XG: variants seen among roughly 807,000 people sequenced by gnomAD.
XG encodes the protein Xg glycoprotein (Xg blood group).
In XG, 24 loss-of-function variants were observed where a neutral mutation model predicts 25.7. That is an observed-to-expected ratio of 0.93 (90% CI 0.68 to 1.31). The LOEUF (loss-of-function observed/expected upper bound fraction) is 1.31. Among genes scored for constraint, XG ranks in the 40% most tolerant of loss-of-function variants. The pLI, the probability that XG is intolerant of heterozygous loss-of-function variation, is 0.00. For synonymous variants in XG, 77 were observed against 69.2 expected (o/e 1.11, Z -0.56); for missense variants, 181 against 187.6 (o/e 0.96, Z 0.21).
intron 10 of XG, among the ~76,000 whole-genome samples, chrX:2,811,753 G>C (rs1054836552): frequency 9.9e-5 from 11 of 110,832 alleles, no homozygotes; most frequent in African/African-American, 3.3e-4. Context: ...GCACCACCAC[G>C]CCTGGCTAAT....
rs1239502532 is a variant in XG, at chrX:2,814,618, GTTGGT to G, written c.*243_*247del. The G allele has an allele frequency of 7.9e-6, 3 of 378,255 alleles. No individual in the cohort carries two copies. The highest frequency in any genetic ancestry group is 7.7e-5 in the African/African-American group (3 of 38,730). 31.2% of individuals were successfully genotyped at this position (378,255 alleles called of 1,213,427 possible). A position where few individuals can be genotyped will look rare whatever the true frequency, so the allele number is the denominator to read the frequency against. Reference sequence around the variant, plus strand: ...GTTCTAAAAAAGGATTGCTTGCAATGTTGGTTTGGCTATTCATTTGCACAAAGAGA... The same window carrying G: ...GTTCTAAAAAAGGATTGCTTGCAATGTTGGCTATTCATTTGCACAAAGAGA... On this transcript the variant is annotated 3_prime_UTR_variant, in exon 11 of 11. Coordinates refer to ENST00000644266, the MANE Select transcript of XG (RefSeq NM_001141919.2).
At chrX:2,787,047 C>G (rs1277801268) in intron 4 of XG, among the ~76,000 whole-genome samples, 1 of 108,571 alleles carries the variant, frequency 9.2e-6, no homozygotes, top group African/African-American at 3.4e-5. Context: ...CAGACACACA[C>G]AGAGGGACAA....
intron 2 of XG, among the ~76,000 whole-genome samples, chrX:2,771,411 C>T (rs1206825463): frequency 6.6e-6 from 1 of 152,178 alleles, no homozygotes; most frequent in Non-Finnish European, 1.5e-5. Context: ...CACTGAGGAC[C>T]TGGAATCTTC....
intron 1 of XG, among the ~76,000 whole-genome samples, chrX:2,767,364 G>A (rs1330878105): frequency 2.6e-5 from 4 of 151,954 alleles, no homozygotes; most frequent in East Asian, 1.9e-4. Flanking sequence ...CCACTTAATC[G>A]ACATCTCCAG....
At chrX:2,791,604 G>C (rs1483974165) in intron 5 of XG, among the ~76,000 whole-genome samples, 1 of 109,348 alleles carries the variant, frequency 9.1e-6, no homozygotes, top group African/African-American at 3.3e-5. Context: ...ACTCCATACT[G>C]CTTGATATGT....
At chrX:2,778,385 A>G (rs2051046699) in intron 3 of XG, among the ~76,000 whole-genome samples, 1 of 152,086 alleles carries the variant, frequency 6.6e-6, no homozygotes, top group African/African-American at 2.4e-5. Flanking sequence ...TTTACAAAAA[A>G]ATTAAAAAAA....
intron 1 of XG, among the ~76,000 whole-genome samples, chrX:2,768,093 G>A (rs2050738733): frequency 6.6e-6 from 1 of 152,130 alleles, no homozygotes; most frequent in Non-Finnish European, 1.5e-5. Flanking sequence ...CCACCTGCCT[G>A]TTTTATGCAA....
In XG at chrX:2,773,521, A is replaced by AAGGAAGGAGAGAGGGAAGGAAGGAGAGAG. The variant is rs1569461984; in HGVS notation, c.104-1195_104-1194insAGGAAGGAGAGAGGGAAGGAAGGAGAGAG. 1.7e-4 allele frequency among the ~76,000 whole-genome samples: 16 copies of AAGGAAGGAGAGAGGGAAGGAAGGAGAGAG among 95,262 alleles called. 1 individual carries two copies. Among genetic ancestry groups the AAGGAAGGAGAGAGGGAAGGAAGGAGAGAG allele is most frequent in the East Asian group, 3.5e-4 (1 of 2,834 alleles). The allele number at this position is 95,262 out of a possible 152,430, so 62.5% of individuals were successfully genotyped here. ...AAGGAGAGAAGGAAGGAAGGAGAGA[A>AAGGAAGGAGAGAGGGAAGGAAGGAGAGAG]GGAAGGAAGGAGAGAAGGAAGGAAG... On this transcript the variant is annotated intron_variant, in intron 2 of 10. Transcript: ENST00000644266.
intron 1 of XG, among the ~76,000 whole-genome samples, chrX:2,757,983 AAAAAAAAAAAAAAGG>A (rs1322149425): frequency 1.0e-5 from 1 of 99,570 alleles, no homozygotes; most frequent in African/African-American, 3.8e-5. Flanking sequence ...AAAAAAAAAA[AAAAAAAAAAAAAAGG>A]AAAAAAAAGT....
chrX:2,760,019 C>T lies in XG; in HGVS notation c.61+7684C>T, dbSNP rs183583021. On this transcript the variant is annotated intron_variant, in intron 1 of 10. Coordinates refer to ENST00000644266, the MANE Select transcript of XG (RefSeq NM_001141919.2). Reference sequence around the variant, plus strand: ...TTCTGGTCTGATCCAGGCATGGAGGCGTGTGCCTGTAATCCCAGCTACTCG... The same window carrying T: ...TTCTGGTCTGATCCAGGCATGGAGGTGTGTGCCTGTAATCCCAGCTACTCG... Among the ~76,000 whole-genome samples the T allele has an allele frequency of 8.1e-4, 124 of 152,204 alleles. 1 individual carries two copies. In the East Asian group the frequency reaches 0.02, roughly 25 times the overall value.
intron 3 of XG, among the ~76,000 whole-genome samples, chrX:2,775,745 C>G (rs961653446): frequency 3.3e-5 from 5 of 151,346 alleles, no homozygotes; most frequent in Admixed American, 3.3e-4. Context: ...CATCTGAGGT[C>G]AGGGGTTCGA....
chrX:2,809,022 TA>T (rs1321409503), intron 9 of XG, among the ~76,000 whole-genome samples: 6 of 111,123 alleles, frequency 5.4e-5, no homozygotes, highest in African/African-American at 2.0e-4. Context: ...TCCTGGAACA[TA>T]TGGGATCCTG....
chrX:2,795,111 CTG>C (rs893787598), intron 6 of XG, among the ~76,000 whole-genome samples: 3 of 108,078 alleles, frequency 2.8e-5, no homozygotes, highest in African/African-American at 1.0e-4. Flanking sequence ...ATACCTTTCT[CTG>C]TTTTTATATA....
At position 2,794,786 on chromosome X, in the gene XG, G is replaced by A. The variant is rs755884394; in HGVS notation, c.322+183G>A. On this transcript the variant is annotated intron_variant, in intron 6 of 10. Coordinates refer to ENST00000644266, the MANE Select transcript of XG (RefSeq NM_001141919.2). ...CCGCATCAGTGGGGTTTGCGGTCTGGGCATCTGTCCGCCTCTCCAGGCTGG... is the reference window on the plus strand; with the variant it reads ...CCGCATCAGTGGGGTTTGCGGTCTGAGCATCTGTCCGCCTCTCCAGGCTGG... Among the ~76,000 whole-genome samples the A allele has an allele frequency of 2.1e-4, 24 of 112,072 alleles. 1 individual carries two copies. The South Asian group carries it at 4.1e-3, about 19-fold the overall frequency.
At chrX:2,752,932 G>T (rs2050365488) in intron 1 of XG, 2 of 985,240 alleles carry the variant, frequency 2.0e-6, no homozygotes, top group Non-Finnish European at 2.4e-6. Context: ...AGATTTTTCA[G>T]TTCCGTACGA....
intron 4 of XG, 135 bp from the exon 5 acceptor site, chrX:2,789,509 T>C: frequency 2.7e-6 from 1 of 371,750 alleles, no homozygotes; most frequent in Non-Finnish European, 4.8e-6. Flanking sequence ...ATGAATATTG[T>C]CTACATGATT....
rs757707544 is a variant in XG, at chrX:2,752,315, G to T, written c.41G>T (p.Cys14Phe). ...WWGLPCLAFLCFLMHARGQRD... is the reference protein window; with the variant it reads ...WWGLPCLAFLFFLMHARGQRD... ...GGACTTCCCTGTCTTGCGTTCCTGT[G>T]TTTTCTAATGCACGCCCGAGGTAAG... Residue 14 changes from cysteine (C) to phenylalanine (F), a missense_variant, in exon 1 of 11, where the codon TGT becomes TTT. Transcript: ENST00000644266. The T allele has an allele frequency of 3.7e-6, 6 of 1,613,502 alleles. No homozygotes were observed. The African/African-American group carries it at 4.0e-5, about 11-fold the overall frequency.
chrX:2,773,492 AAGGAAG>A (rs756802371), intron 2 of XG, among the ~76,000 whole-genome samples: 27 of 142,314 alleles, frequency 1.9e-4, no homozygotes, highest in African/African-American at 2.3e-4. Context: ...GGAAGGAAGG[AAGGAAG>A]GAGAGAAGGA....
At chrX:2,798,146 A>T (rs2086902445) in intron 7 of XG, among the ~76,000 whole-genome samples, 1 of 111,783 alleles carries the variant, frequency 8.9e-6, no homozygotes, top group Admixed American at 9.6e-5. Context: ...GAAGCCATAA[A>T]CAGGCTCTTG....
Sources: allele counts gnomAD v4.1 joint callset (sites outside exome capture counted in the v4.1 genomes callset), GRCh38; gene constraint gnomAD v4.1.1; transcripts MANE v1.5; gene names NCBI Gene and HGNC (gene_info 2026-07-23, HGNC 2026-07-21).